The following DDX42 variants were observed in gnomAD, a reference collection of about 807,000 sequenced individuals.
The protein encoded by DDX42 is ATP-dependent RNA helicase DDX42.
A neutral mutation model predicts 101.5 loss-of-function variants in DDX42; 22 were observed. That is an observed-to-expected ratio of 0.22 (90% CI 0.15 to 0.31). DDX42 has a LOEUF of 0.31. Ranked by LOEUF, DDX42 falls within the 10% of genes least tolerant of loss-of-function variation. The pLI, the probability that DDX42 is intolerant of heterozygous loss-of-function variation, is 1.00. For synonymous variants in DDX42, 402 were observed against 401.2 expected, an observed-to-expected ratio of 1.00 and a Z score of -0.02; for missense variants, 849 against 1,199.9, an observed-to-expected ratio of 0.71 and a Z score of 4.32.
intron 1 of DDX42, among the ~76,000 whole-genome samples, chr17:63,785,615 A>AG (rs2039538988): frequency 6.7e-6 from 1 of 149,556 alleles, no homozygotes; most frequent in African/African-American, 2.6e-5. Context: ...AAAAAAAAAA[A>AG]AAAGAAAGAA....
chr17:63,812,375 A>C (rs1329856034), intron 14 of DDX42, among the ~76,000 whole-genome samples, 167 bp downstream of exon 14: 1 of 152,184 alleles, frequency 6.6e-6, no homozygotes, highest in African/African-American at 2.4e-5. Context: ...CAGGGATCAC[A>C]GTCTGGAGCT....
chr17:63,805,139 G>A lies in DDX42; in HGVS notation c.690G>A (p.Gln230=). Residue 230 remains glutamine (Q), a synonymous_variant, in exon 7 of 18, where the codon CAG becomes CAA. Coordinates refer to ENST00000389924, the MANE Select transcript of DDX42 (RefSeq NM_203499.3). ...AAGAGATAACCAACCTCACTCCACA[G>A]CAGTTAATAGATCTCCGGCATAAGC... ...EHEEITNLTP[Q]QLIDLRHKLN... 1 of 1,613,190 alleles carries A rather than the reference G, an allele frequency of 6.2e-7. No homozygotes were observed. The highest frequency in any genetic ancestry group is 8.5e-7 in the Non-Finnish European group (1 of 1,179,820).
chr17:63,796,402 C>T (rs552970128), intron 3 of DDX42, among the ~76,000 whole-genome samples: 3 of 152,304 alleles, frequency 2.0e-5, no homozygotes, highest in South Asian at 4.1e-4. Flanking sequence ...CTCTGCCTCC[C>T]GGGTCCCGGG....
chr17:63,808,695 T>C (rs1173022010), intron 9 of DDX42, 125 bp from the exon 10 acceptor site: 1 of 1,119,374 alleles, frequency 8.9e-7, no homozygotes, highest in Non-Finnish European at 1.3e-6. Flanking sequence ...AAATCGTGGT[T>C]TTAAAGTATG....
chr17:63,774,075 C>T (rs62077512), upstream of DDX42: 51,809 of 216,998 alleles, frequency 0.24, 9,292 homozygotes, highest in South Asian at 0.55. Context: ...GCCTGTGAGG[C>T]GTTCTGGAGC....
chr17:63,813,119 G>A (rs920798167), intron 14 of DDX42, 109 bp from the exon 15 acceptor site: 18 of 1,000,256 alleles, frequency 1.8e-5, no homozygotes, highest in Admixed American at 5.4e-5. Flanking sequence ...AAACCCATGC[G>A]CTTTGCCTAG....
intron 5 of DDX42, chr17:63,800,209 G>T: frequency 2.7e-6 from 1 of 374,996 alleles, no homozygotes; most frequent in Non-Finnish European, 4.8e-6. Flanking sequence ...ACTCCAGGAA[G>T]GCTGTGGAAC....
chr17:63,778,322 A>G (rs554552677), intron 1 of DDX42, among the ~76,000 whole-genome samples: 4 of 152,352 alleles, frequency 2.6e-5, no homozygotes, highest in Non-Finnish European at 5.9e-5. Context: ...TACTTTTCCA[A>G]TAAAACAGAC....
chr17:63,777,906 T>C (rs1246602673), intron 1 of DDX42, among the ~76,000 whole-genome samples: 1 of 152,048 alleles, frequency 6.6e-6, no homozygotes, highest in African/African-American at 2.4e-5. Context: ...TTCACTAGAG[T>C]GCTTGTTTTC....
chr17:63,818,339 G>A lies in DDX42; in HGVS notation c.2758G>A (p.Ala920Thr). The A allele has an allele frequency of 6.2e-7, 1 of 1,614,084 alleles. No individual in the cohort carries two copies. Among genetic ancestry groups the A allele is most frequent in the African/African-American group, 1.3e-5 (1 of 75,052 alleles). Reference sequence around the variant, plus strand: ...GGTGGACAGCAAGACAGATAAGACAGCTGACGGCTTTGCTGTCCCAGAGCC... The same window carrying A: ...GGTGGACAGCAAGACAGATAAGACAACTGACGGCTTTGCTGTCCCAGAGCC... The part of the protein sequence containing the change: ...DKVDSKTDKT[A>T]DGFAVPEPPK... Residue 920 changes from alanine to threonine, a missense_variant, in exon 18 of 18, where the codon GCT becomes ACT. Coordinates refer to ENST00000389924, the MANE Select transcript of DDX42 (RefSeq NM_203499.3).
At chr17:63,774,723 A>G (rs2039396229) in intron 1 of DDX42, 1 of 152,282 alleles carries the variant, frequency 6.6e-6, no homozygotes, top group Non-Finnish European at 1.5e-5. Context: ...TGACCCAAGG[A>G]GGCAGCGCTT....
At chr17:63,816,308 T>TATA (rs1477353057) in intron 16 of DDX42, among the ~76,000 whole-genome samples, 1 of 152,196 alleles carries the variant, frequency 6.6e-6, no homozygotes, top group Admixed American at 6.5e-5. Flanking sequence ...GTTCCCACAT[T>TATA]ATAATAATAA....
Position 63,805,159 on chromosome 17 carries a change from A to G in DDX42, c.710A>G (p.His237Arg), listed in dbSNP as rs1484458064. The G allele has an allele frequency of 1.9e-6, 3 of 1,613,028 alleles. No homozygotes were observed. Among genetic ancestry groups the G allele is most frequent in the African/African-American group, 1.3e-5 (1 of 74,886 alleles). ...LTPQQLIDLRHKLNLRVSGAA... is the reference protein window; with the variant it reads ...LTPQQLIDLRRKLNLRVSGAA... The stretch of plus-strand genomic sequence containing the variant: ...CCACAGCAGTTAATAGATCTCCGGC[A>G]TAAGCTCAATCTTCGGGTAAGCATC... The change falls in exon 7 of 18, where the codon CAT becomes CGT. Residue 237 changes from histidine to arginine, a missense_variant. Physicochemically the swap from His to Arg is conservative, Grantham distance 29. Transcript: ENST00000389924.
chr17:63,779,575 C>G (rs2039461243), intron 1 of DDX42, among the ~76,000 whole-genome samples: 1 of 150,226 alleles, frequency 6.7e-6, no homozygotes. Flanking sequence ...ATTTTGTTTT[C>G]TTCTTTTGGT....
chr17:63,788,670 C>T (rs181776084), intron 2 of DDX42, among the ~76,000 whole-genome samples: 19 of 152,268 alleles, frequency 1.2e-4, no homozygotes, highest in African/African-American at 4.6e-4. Flanking sequence ...AATCTACTCA[C>T]ATTTTTCCCA....
intron 6 of DDX42, 132 bp from the exon 7 acceptor site, chr17:63,804,935 AAATT>A (rs1434906337): frequency 7.4e-6 from 8 of 1,079,456 alleles, no homozygotes; most frequent in South Asian, 1.8e-5. Context: ...AGCTGAGAAT[AAATT>A]AATTTTTTTG....
chr17:63,785,358 G>A (rs1308786587), intron 1 of DDX42, among the ~76,000 whole-genome samples: 3 of 152,214 alleles, frequency 2.0e-5, no homozygotes, highest in African/African-American at 7.2e-5. Context: ...GCTGAGGCAT[G>A]AGAATCACTT....
chr17:63,801,472 G>A (rs1479138350), intron 6 of DDX42, among the ~76,000 whole-genome samples: 2 of 152,096 alleles, frequency 1.3e-5, no homozygotes. Flanking sequence ...TTTCACTTCA[G>A]CCTCCTGAGT....
At chr17:63,779,074 T>C (rs1247234497) in intron 1 of DDX42, among the ~76,000 whole-genome samples, 1 of 152,232 alleles carries the variant, frequency 6.6e-6, no homozygotes, top group Non-Finnish European at 1.5e-5. Flanking sequence ...GGTTGTTCTT[T>C]TTTAAACAAA....
Sources: allele counts gnomAD v4.1 joint callset (sites outside exome capture counted in the v4.1 genomes callset), GRCh38; gene constraint gnomAD v4.1.1; transcripts MANE v1.5; gene names NCBI Gene and HGNC (gene_info 2026-07-23, HGNC 2026-07-21).